RASA4: variants seen among roughly 807,000 people sequenced by gnomAD.
RASA4 encodes ras GTPase-activating protein 4.
In RASA4, 5 loss-of-function variants were observed where a neutral mutation model predicts 24.0. That is an observed-to-expected ratio of 0.21 (90% CI 0.11 to 0.44). RASA4 has a LOEUF of 0.44. RASA4 is among the 20% of genes least tolerant of loss of function. The pLI is 0.99. For synonymous variants in RASA4, 9 were observed against 132.7 expected (o/e 0.07, Z 6.41); for missense variants, 38 against 293.0 (o/e 0.13, Z 6.35).
intron 4 of RASA4, among the ~76,000 whole-genome samples, chr7:102,606,394 TCAAAAAA>T (rs1790660894): frequency 1.5e-4 from 1 of 6,520 alleles, no homozygotes; most frequent in Non-Finnish European, 5.3e-4. Context: ...AGACCCCATC[TCAAAAAA>T]AAAAAAAAAA....
chr7:102,602,895 A>G (rs1790417583), intron 5 of RASA4, among the ~76,000 whole-genome samples: 1 of 145,550 alleles, frequency 6.9e-6, no homozygotes, highest in African/African-American at 2.6e-5. Flanking sequence ...TGCAGCCCTG[A>G]TGGGCGGCCC....
chr7:102,595,627 G>A lies in RASA4; in HGVS notation c.1006+7C>T, dbSNP rs2133454378. ...TGTTCTGGGCCCAGCTCCTTCCCAG[G>A]CCTCACTGGTGCGACTCAGCTCCAG... On this transcript the variant is annotated splice_region_variant and intron_variant, in intron 10 of 20. Coordinates refer to ENST00000262940, the MANE Select transcript of RASA4 (RefSeq NM_006989.6). 8.3e-7 allele frequency: 1 copy of A among 1,201,416 alleles called. No homozygotes were observed. The highest frequency in any genetic ancestry group is 2.8e-4 in the Middle Eastern group (1 of 3,624). 74.4% of individuals were successfully genotyped at this position (1,201,416 alleles called of 1,614,324 possible).
At position 102,580,389 on chromosome 7, in the gene RASA4, C is replaced by CTTTTTTT. The variant is rs1164953357; in HGVS notation, c.*2375_*2381dup. On this transcript the variant is annotated 3_prime_UTR_variant, in exon 21 of 21. Transcript: ENST00000262940. ...AAAATTTCAAGTCTCCTTTATTTTCCTTTTTTTTTTTTTTTTTTTTTTAAT... is the reference window on the plus strand; with the variant it reads ...AAAATTTCAAGTCTCCTTTATTTTCCTTTTTTTTTTTTTTTTTTTTTTTTTTTTTAAT... 1.8e-5 allele frequency: 1 copy of CTTTTTTT among 56,740 alleles called. No homozygotes were observed. The highest frequency in any genetic ancestry group is 4.9e-5 in the African/African-American group (1 of 20,398). The allele number at this position is 56,740 out of a possible 1,614,324, so 3.5% of individuals were successfully genotyped here.
intron 5 of RASA4, among the ~76,000 whole-genome samples, chr7:102,602,685 G>A (rs1194179786): frequency 5.6e-5 from 6 of 106,398 alleles, no homozygotes; most frequent in African/African-American, 2.4e-4. Context: ...CTCTGGGGGT[G>A]GCAGGGGGGT....
At position 102,599,867 on chromosome 7, in the gene RASA4, G is replaced by GCCGC. The variant is rs1394526138; in HGVS notation, c.726_729dup (p.His244AlafsTer3). 3 of 181,678 alleles carry GCCGC rather than the reference G, an allele frequency of 1.7e-5. No individual in the cohort carries two copies. The highest frequency in any genetic ancestry group is 8.8e-5 in the Admixed American group (1 of 11,410). 11.3% of individuals were successfully genotyped at this position (181,678 alleles called of 1,614,324 possible). A position where few individuals can be genotyped will look rare whatever the true frequency, so the allele number is the denominator to read the frequency against. On this transcript the variant is annotated frameshift_variant, in exon 8 of 21. Coordinates refer to ENST00000262940, the MANE Select transcript of RASA4 (RefSeq NM_006989.6). LOFTEE classifies it high-confidence loss of function. ...CCAGCTCCATGCACTTACTCGTCAT[G>GCCGC]CCGCCGGCTCTTGGACTGGTCGGGC... is the stretch of plus-strand genomic sequence containing the variant.
At chr7:102,606,395 CAAAAAAAAAAAAAAA>C (rs555519087) in intron 4 of RASA4, among the ~76,000 whole-genome samples, 1 of 55,482 alleles carries the variant, frequency 1.8e-5, no homozygotes, top group Admixed American at 2.7e-4. Context: ...GACCCCATCT[CAAAAAAAAAAAAAAA>C]AAAAAAAAAA....
At chr7:102,603,161 A>C (rs1201539124) in intron 5 of RASA4, among the ~76,000 whole-genome samples, 1 of 138,464 alleles carries the variant, frequency 7.2e-6, no homozygotes, top group African/African-American at 2.7e-5. Flanking sequence ...GGGTTTCACC[A>C]GGTTGGCCAG....
intron 8 of RASA4, among the ~76,000 whole-genome samples, 189 bp downstream of exon 8, chr7:102,599,671 G>A (rs1355752888): frequency 6.9e-6 from 1 of 145,858 alleles, no homozygotes; most frequent in Admixed American, 6.8e-5. Context: ...AATAAATAAA[G>A]GGGAGGTGGA....
chr7:102,598,059 G>A (rs1164015884), intron 8 of RASA4, among the ~76,000 whole-genome samples: 1 of 83,622 alleles, frequency 1.2e-5, no homozygotes, highest in African/African-American at 3.8e-5. Flanking sequence ...CATCAAGCCC[G>A]GCCATCACGG....
chr7:102,604,854 C>T (rs1378274638), intron 5 of RASA4, among the ~76,000 whole-genome samples: 1 of 137,050 alleles, frequency 7.3e-6, no homozygotes, highest in Non-Finnish European at 1.7e-5. Context: ...AACACTGGCT[C>T]CATAGGGCTG....
In RASA4 at chr7:102,605,941, C is replaced by G. The variant is rs1372776597; in HGVS notation, c.345G>C (p.Glu115Asp). The change falls in exon 5 of 21, where the codon GAG (glutamate) becomes GAC (aspartate). Residue 115 changes from glutamate (E) to aspartate (D), a missense_variant. Glu to Asp is a conservative substitution (Grantham distance 45). Transcript: ENST00000262940. ...GCCGCAGGTGGATCTCGCCCTGCACCTCCTCATCGGGGTCGACCTCCGTCA... is the reference window on the plus strand; with the variant it reads ...GCCGCAGGTGGATCTCGCCCTGCACGTCCTCATCGGGGTCGACCTCCGTCA... ...AHLTEVDPDE[E>D]VQGEIHLRLE... 1.6e-5 allele frequency: 25 copies of G among 1,601,052 alleles called. No homozygotes were observed. Among genetic ancestry groups the G allele is most frequent in the Non-Finnish European group, 2.0e-5 (24 of 1,173,794 alleles).
rs1470323740 is a variant in RASA4 at position 102,579,936 on chromosome 7, A to G, written c.*2835T>C. ...AGGACGCTTACAACACAACTGCAAT[A>G]TCTTTTTTGTTTGTTTGTTTGTTTT... On this transcript the variant is annotated 3_prime_UTR_variant, in exon 21 of 21. Transcript: ENST00000262940. The G allele has an allele frequency of 7.2e-6, 1 of 139,122 alleles. No individual in the cohort carries two copies. The highest frequency in any genetic ancestry group is 1.6e-5 in the Non-Finnish European group (1 of 63,032). The allele number at this position is 139,122 out of a possible 1,614,324, so 8.6% of individuals were successfully genotyped here.
At chr7:102,598,419 T>TG (rs1790329776) in intron 8 of RASA4, among the ~76,000 whole-genome samples, 2 of 120,582 alleles carry the variant, frequency 1.7e-5, no homozygotes, top group Non-Finnish European at 3.6e-5. Context: ...TGTTCTTTTT[T>TG]TTTTTTGAGA....
chr7:102,591,083 G>A (rs1167698869), intron 16 of RASA4, among the ~76,000 whole-genome samples: 1 of 103,320 alleles, frequency 9.7e-6, no homozygotes. Flanking sequence ...AGGAGTTTGA[G>A]AACAGCCTGG....
chr7:102,591,944 G>A (rs1435689520), intron 16 of RASA4, among the ~76,000 whole-genome samples: 3 of 152,294 alleles, frequency 2.0e-5, no homozygotes, highest in African/African-American at 4.8e-5. Flanking sequence ...AGCGATTCCC[G>A]TGCCTCAGCC....
intron 8 of RASA4, among the ~76,000 whole-genome samples, chr7:102,596,347 CTCTA>C (rs1440202952): frequency 7.0e-6 from 1 of 142,908 alleles, no homozygotes; most frequent in Non-Finnish European, 1.6e-5. Flanking sequence ...CTCAAGGCAC[CTCTA>C]TCTGTCTTCG....
In RASA4 at chr7:102,605,961, C is replaced by A; in HGVS notation, c.325G>T (p.Glu109Ter). The A allele has an allele frequency of 6.2e-7, 1 of 1,609,948 alleles. No individual in the cohort carries two copies. The highest frequency in any genetic ancestry group is 8.5e-7 in the Non-Finnish European group (1 of 1,179,222). ...KGFSGWAHLT[E>*]VDPDEEVQGE... ...TGCACCTCCTCATCGGGGTCGACCT[C>A]CGTCAGGTGGGCCCACCCGCTGAAA... Residue 109 changes from glutamate to a stop codon, truncating the protein, a stop_gained, in exon 5 of 21, where the codon GAG becomes TAG. Transcript: ENST00000262940. LOFTEE classifies it high-confidence loss of function.
At chr7:102,614,127 G>GTGGTGA (rs1389757469) in intron 1 of RASA4, among the ~76,000 whole-genome samples, 5 of 147,208 alleles carry the variant, frequency 3.4e-5, no homozygotes, top group African/African-American at 1.3e-4. Context: ...AAGATAGGCG[G>GTGGTGA]GGTGCTGGTG....
chr7:102,599,631 A>G (rs2133464020), intron 8 of RASA4, among the ~76,000 whole-genome samples: 1 of 146,258 alleles, frequency 6.8e-6, no homozygotes, highest in East Asian at 2.1e-4. Context: ...GTGAGACTCC[A>G]TCTCAAAATA....
Sources: gnomAD v4.1 joint callset for allele counts (sites outside exome capture counted in the v4.1 genomes callset) on GRCh38, gnomAD v4.1.1 for gene constraint, MANE v1.5 for transcripts, NCBI Gene and HGNC (gene_info 2026-07-23, HGNC 2026-07-21) for gene names.